Variants in TLR5 observed in about 807,000 individuals in gnomAD.
TLR5 encodes toll-like receptor 5.
For synonymous variants in TLR5, 373 were observed against 384.4 expected, an observed-to-expected ratio of 0.97 and a Z score of 0.35; for missense variants, 944 against 999.8, an observed-to-expected ratio of 0.94 and a Z score of 0.75.
In TLR5 at chr1:223,110,751, G is replaced by A; in HGVS notation, c.2281C>T (p.His761Tyr). 1 of 1,614,224 alleles carries A rather than the reference G, an allele frequency of 6.2e-7. No individual in the cohort carries two copies. The highest frequency in any genetic ancestry group is 8.5e-7 in the Non-Finnish European group (1 of 1,180,038). ...SRKIVCLVSR[H>Y]FLRDGWCLEA... ...AGGCACCAGCCATCTCTAAGGAAGT[G>A]TCTGCTCACAAGACAAACGATCTTT... is the stretch of plus-strand genomic sequence containing the variant. The change falls in exon 6 of 6, where the codon CAC (histidine) becomes TAC (tyrosine). Residue 761 changes from histidine to tyrosine, a missense_variant. Transcript: ENST00000642603.
intron 5 of TLR5, among the ~76,000 whole-genome samples, chr1:223,126,159 A>G (rs185205710): frequency 7.2e-5 from 11 of 152,342 alleles, no homozygotes; most frequent in Non-Finnish European, 1.3e-4. Context: ...ATAATGGGAT[A>G]TTTTTCGGCC....
intron 2 of TLR5, among the ~76,000 whole-genome samples, chr1:223,137,950 ATTTTTTTTTT>A (rs3044335): frequency 4.7e-4 from 40 of 84,566 alleles, no homozygotes; most frequent in Middle Eastern, 0.012. Flanking sequence ...GGCTTTTTAA[ATTTTTTTTTT>A]TTTTTTTTTT....
At chr1:223,129,775 G>GC (rs1342396049) in intron 5 of TLR5, among the ~76,000 whole-genome samples, 4 of 152,212 alleles carry the variant, frequency 2.6e-5, no homozygotes, top group African/African-American at 9.6e-5. Flanking sequence ...ACACGCCTGA[G>GC]CAGCAACAGT....
rs776704155 is a variant in TLR5 at position 223,111,953 on chromosome 1, G to C, written c.1079C>G (p.Pro360Arg). Residue 360 changes from proline to arginine, a missense_variant, in exon 6 of 6, where the codon CCT becomes CGT. Coordinates refer to ENST00000642603, the MANE Select transcript of TLR5 (RefSeq NM_003268.6). ...TTGCAAATCAATGTAGGCTACCTTA[G>C]GTAGTCCATAGAAATTCGAACTGTA... Reference protein sequence around the residue: ...ELYSSNFYGLPKVAYIDLQKN... With the variant: ...ELYSSNFYGLRKVAYIDLQKN... 3.1e-6 allele frequency: 5 copies of C among 1,614,122 alleles called. No homozygotes were observed. Among genetic ancestry groups the C allele is most frequent in the South Asian group, 1.1e-5 (1 of 91,078 alleles).
At chr1:223,133,318 T>A (rs1011414500) in intron 4 of TLR5, among the ~76,000 whole-genome samples, 15 of 152,206 alleles carry the variant, frequency 9.9e-5, no homozygotes, top group Non-Finnish European at 1.9e-4. Context: ...CTGTGACCTT[T>A]GAACAAAACA....
Position 223,112,477 on chromosome 1 carries a change from T to C in TLR5, c.555A>G (p.Val185=). 1 of 1,614,238 alleles carries C rather than the reference T, an allele frequency of 6.2e-7. No individual in the cohort carries two copies. The highest frequency in any genetic ancestry group is 8.5e-7 in the Non-Finnish European group (1 of 1,180,052). ...IDFSSNQIFL[V]CEHELEPLQG... ...GTAGGGGCTCGAGCTCATGTTCACA[T>C]ACAAGGAATATTTGGTTGGAGGAAA... is the stretch of plus-strand genomic sequence containing the variant. Residue 185 remains valine, a synonymous_variant, in exon 6 of 6, where the codon GTA becomes GTG. Transcript: ENST00000642603.
chr1:223,116,674 A>T (rs1039971718), intron 5 of TLR5, among the ~76,000 whole-genome samples: 1 of 151,996 alleles, frequency 6.6e-6, no homozygotes, highest in African/African-American at 2.4e-5. Flanking sequence ...TTATTGGTCC[A>T]TTTTACACAG....
rs936773970 is a variant in TLR5, at chr1:223,110,700, T to G, written c.2332A>C (p.Arg778=). Residue 778 remains arginine, a synonymous_variant, in exon 6 of 6, where the codon AGG becomes CGG. Coordinates refer to ENST00000642603, the MANE Select transcript of TLR5 (RefSeq NM_003268.6). Reference sequence around the variant, plus strand: ...GCACTGTTAAGGTCAGATAAGCACCTGCCCTGGGCATAACTGAAGGCTTCA... The same window carrying G: ...GCACTGTTAAGGTCAGATAAGCACCGGCCCTGGGCATAACTGAAGGCTTCA... ...CLEAFSYAQG[R]CLSDLNSALI... 9.3e-6 allele frequency: 15 copies of G among 1,614,090 alleles called. No individual in the cohort carries two copies. Among genetic ancestry groups the G allele is most frequent in the Admixed American group, 5.0e-5 (3 of 60,002 alleles).
chr1:223,125,861 C>T (rs923475468), intron 5 of TLR5, among the ~76,000 whole-genome samples: 5 of 152,156 alleles, frequency 3.3e-5, no homozygotes, highest in Admixed American at 2.6e-4. Context: ...GGTGACTCCA[C>T]CAGCAGAGAG....
chr1:223,113,991 A>G (rs1373711410), intron 5 of TLR5, among the ~76,000 whole-genome samples: 1 of 152,076 alleles, frequency 6.6e-6, no homozygotes, highest in Non-Finnish European at 1.5e-5. Flanking sequence ...CATTTATCCG[A>G]CCTTACTCCA....
chr1:223,113,605 A>C (rs1656479501), intron 5 of TLR5, among the ~76,000 whole-genome samples: 1 of 152,140 alleles, frequency 6.6e-6, no homozygotes, highest in Non-Finnish European at 1.5e-5. Context: ...TCTTTTAAAA[A>C]AATTTTATTT....
chr1:223,138,267 A>G (rs915768997), intron 2 of TLR5, among the ~76,000 whole-genome samples: 1 of 151,818 alleles, frequency 6.6e-6, no homozygotes, highest in Non-Finnish European at 1.5e-5. Flanking sequence ...TCTTTCTTCT[A>G]TGAATCTCCT....
At chr1:223,139,451 G>A (rs1657750484) in intron 2 of TLR5, among the ~76,000 whole-genome samples, 1 of 152,216 alleles carries the variant, frequency 6.6e-6, no homozygotes, top group South Asian at 2.1e-4. Context: ...GAGCACAGAG[G>A]AGAATTTGAA....
intron 2 of TLR5, among the ~76,000 whole-genome samples, chr1:223,139,349 T>G (rs1157427552): frequency 7.2e-5 from 11 of 152,168 alleles, no homozygotes; most frequent in Admixed American, 7.2e-4. Flanking sequence ...ATCACTGCCT[T>G]CAGGGAGCCA....
intron 4 of TLR5, among the ~76,000 whole-genome samples, chr1:223,133,272 G>A (rs1657464971): frequency 6.6e-6 from 1 of 152,208 alleles, no homozygotes; most frequent in Admixed American, 6.5e-5. Context: ...ACACTGTGGA[G>A]CTCGGATTTG....
Position 223,110,353 on chromosome 1 carries a change from A to G in TLR5, c.*102T>C. 2 of 1,170,598 alleles carry G rather than the reference A, an allele frequency of 1.7e-6. No individual in the cohort carries two copies. The highest frequency in any genetic ancestry group is 2.8e-5 in the South Asian group (2 of 71,508). 72.5% of individuals were successfully genotyped at this position (1,170,598 alleles called of 1,614,324 possible). ...ATGTTGTTTTCATAGTAGCAAAAAG[A>G]AAAAAAAAACCTCCAGAGAGGACCC... is the stretch of plus-strand genomic sequence containing the variant. On this transcript the variant is annotated 3_prime_UTR_variant, in exon 6 of 6. Transcript: ENST00000642603.
intron 5 of TLR5, among the ~76,000 whole-genome samples, chr1:223,115,364 C>G (rs1235965646): frequency 6.6e-6 from 1 of 152,228 alleles, no homozygotes; most frequent in East Asian, 1.9e-4. Flanking sequence ...ATCCTCCCAC[C>G]TCAGCCTCCT....
chr1:223,138,118 C>G (rs1224567005), intron 2 of TLR5, among the ~76,000 whole-genome samples: 1 of 150,846 alleles, frequency 6.6e-6, no homozygotes, highest in Non-Finnish European at 1.5e-5. Context: ...GCCACCATGC[C>G]CAGATAATTT....
chr1:223,124,206 G>A (rs1195622986), intron 5 of TLR5, among the ~76,000 whole-genome samples: 1 of 152,214 alleles, frequency 6.6e-6, no homozygotes, highest in Non-Finnish European at 1.5e-5. Flanking sequence ...CACTTTGGGA[G>A]GCTGAGGCAG....
Sources: allele counts gnomAD v4.1 joint callset (sites outside exome capture counted in the v4.1 genomes callset), GRCh38; gene constraint gnomAD v4.1.1; transcripts MANE v1.5; gene names NCBI Gene and HGNC (gene_info 2026-07-23, HGNC 2026-07-21).